Variants in TMEM150C observed in about 807,000 individuals in gnomAD.
TMEM150C encodes tentonin 3.
Under a neutral mutation model 29.9 loss-of-function variants are expected in TMEM150C, and 10 were observed. The ratio of observed to expected loss-of-function variants is 0.33; its 90% CI spans 0.21 to 0.57. TMEM150C has a LOEUF of 0.57. Ranked by LOEUF, TMEM150C falls within the 20% of genes least tolerant of loss-of-function variation. TMEM150C has a pLI of 0.88. For missense variants in TMEM150C, 251 were observed against 303.6 expected (o/e 0.83, Z 1.29); for synonymous variants, 101 against 112.5 (o/e 0.90, Z 0.64).
intron 5 of TMEM150C, 91 bp from the exon 6 acceptor site, chr4:82,496,286 T>C (rs547514087): frequency 1.1e-5 from 15 of 1,307,648 alleles, no homozygotes. Context: ...TTTTTTATGC[T>C]GCACTATTTT....
At chr4:82,490,789 G>GT (rs760252626) in intron 6 of TMEM150C, 25 of 433,676 alleles carry the variant, frequency 5.8e-5, no homozygotes, top group Non-Finnish European at 9.1e-5. Flanking sequence ...TACTTTAATT[G>GT]TTTTTTAAGT....
At chr4:82,523,096 G>C (rs1724538654) in intron 1 of TMEM150C, among the ~76,000 whole-genome samples, 1 of 152,146 alleles carries the variant, frequency 6.6e-6, no homozygotes, top group Non-Finnish European at 1.5e-5. Flanking sequence ...AGGAACACCA[G>C]GGTTCTTTGT....
At chr4:82,534,300 A>C (rs1437819797) in intron 1 of TMEM150C, among the ~76,000 whole-genome samples, 1 of 152,230 alleles carries the variant, frequency 6.6e-6, no homozygotes, top group Non-Finnish European at 1.5e-5. Context: ...TTTACCAACC[A>C]AGCCCCTCAC....
chr4:82,533,216 G>T (rs77363123), intron 1 of TMEM150C, among the ~76,000 whole-genome samples: 1 of 152,020 alleles, frequency 6.6e-6, no homozygotes, highest in African/African-American at 2.4e-5. Flanking sequence ...ACTAATTAAC[G>T]TGTACCATAA....
chr4:82,491,479 G>A (rs1168357229), intron 6 of TMEM150C: 7 of 687,916 alleles, frequency 1.0e-5, no homozygotes, highest in East Asian at 1.0e-4. Flanking sequence ...TTCACAAAGC[G>A]AGTGAGGTCA....
chr4:82,531,815 G>A (rs1050519306), intron 1 of TMEM150C, among the ~76,000 whole-genome samples: 3 of 147,300 alleles, frequency 2.0e-5, no homozygotes, highest in African/African-American at 7.4e-5. Context: ...AAAGAATGTT[G>A]TCATGAAAGC....
At chr4:82,524,128 C>G (rs1360621035) in intron 1 of TMEM150C, among the ~76,000 whole-genome samples, 1 of 149,344 alleles carries the variant, frequency 6.7e-6, no homozygotes, top group Admixed American at 6.6e-5. Context: ...GTTAGCAGGG[C>G]GTGGTGGTGG....
At chr4:82,558,067 T>A (rs534917923) in intron 1 of TMEM150C, among the ~76,000 whole-genome samples, 1 of 152,094 alleles carries the variant, frequency 6.6e-6, no homozygotes, top group Non-Finnish European at 1.5e-5. Context: ...GATTATGAAG[T>A]CAAATCTCAA....
chr4:82,532,322 G>A (rs1244689957), intron 1 of TMEM150C, among the ~76,000 whole-genome samples: 1 of 152,206 alleles, frequency 6.6e-6, no homozygotes, highest in East Asian at 1.9e-4. Flanking sequence ...GGATAAATTG[G>A]TGGTCTTAGA....
chr4:82,486,865 A>G (rs1307503341), intron 7 of TMEM150C, among the ~76,000 whole-genome samples: 1 of 152,102 alleles, frequency 6.6e-6, no homozygotes, highest in Non-Finnish European at 1.5e-5. Flanking sequence ...TGGAAGGAGG[A>G]GCTGGGAAGA....
intron 1 of TMEM150C, among the ~76,000 whole-genome samples, chr4:82,529,357 C>T (rs1443490252): frequency 6.7e-6 from 1 of 149,792 alleles, no homozygotes; most frequent in South Asian, 2.1e-4. Flanking sequence ...AGCACAATCA[C>T]AGCTCACTCC....
intron 3 of TMEM150C, 47 bp from the exon 4 acceptor site, chr4:82,502,974 T>A: frequency 6.3e-7 from 1 of 1,594,704 alleles, no homozygotes; most frequent in Non-Finnish European, 8.5e-7. Context: ...TAAAGCACTG[T>A]CATTTGTGCA....
intron 1 of TMEM150C, among the ~76,000 whole-genome samples, chr4:82,549,499 T>C (rs953994642): frequency 2.0e-5 from 3 of 152,022 alleles, no homozygotes. Flanking sequence ...GGGTATAGAG[T>C]TTCAGTTCTG....
intron 5 of TMEM150C, among the ~76,000 whole-genome samples, chr4:82,499,259 T>C (rs1339960438): frequency 1.3e-5 from 2 of 152,214 alleles, no homozygotes; most frequent in Admixed American, 1.3e-4. Flanking sequence ...TTTTACCACA[T>C]TCACGTTCTG....
intron 1 of TMEM150C, among the ~76,000 whole-genome samples, chr4:82,543,143 G>T (rs762934530): frequency 6.6e-6 from 1 of 152,130 alleles, no homozygotes; most frequent in Non-Finnish European, 1.5e-5. Context: ...TTGGGCCCAG[G>T]GGGTCTAACT....
chr4:82,551,993 G>C (rs1578158575), intron 1 of TMEM150C, among the ~76,000 whole-genome samples: 3 of 152,262 alleles, frequency 2.0e-5, no homozygotes, highest in Admixed American at 2.0e-4. Context: ...ACAGTAGCAA[G>C]TTTTCACTCT....
intron 1 of TMEM150C, among the ~76,000 whole-genome samples, chr4:82,523,454 G>GA (rs1050404077): frequency 2.0e-5 from 3 of 152,162 alleles, no homozygotes; most frequent in African/African-American, 4.8e-5. Flanking sequence ...CACACGTGGG[G>GA]ATATGTGGGG....
chr4:82,530,256 T>G, intron 1 of TMEM150C, among the ~76,000 whole-genome samples: 1 of 151,824 alleles, frequency 6.6e-6, no homozygotes, highest in Admixed American at 6.6e-5. Context: ...AACAGACTTA[T>G]AAAAACCATC....
chr4:82,495,060 A>C, intron 6 of TMEM150C: 1 of 1,214,436 alleles, frequency 8.2e-7, no homozygotes, highest in South Asian at 1.6e-5. Context: ...AAGATGCTGA[A>C]TCTTGGGTGC....
Sources: allele counts gnomAD v4.1 joint callset (sites outside exome capture counted in the v4.1 genomes callset), GRCh38; gene constraint gnomAD v4.1.1; transcripts MANE v1.5; gene names NCBI Gene and HGNC (gene_info 2026-07-23, HGNC 2026-07-21).